The following TMC1 variants were observed in gnomAD, a reference collection of about 807,000 sequenced individuals.
TMC1 encodes transmembrane channel-like protein 1.
In TMC1, 84 loss-of-function variants were observed where a neutral mutation model predicts 105.8. The observed-to-expected ratio is 0.79, with a 90% CI of 0.67 to 0.95. The LOEUF is 0.95. Ranked by LOEUF, TMC1 falls within the 40% of genes least tolerant of loss-of-function variation. The pLI is 0.00. For missense variants in TMC1, 817 were observed against 914.1 expected (o/e 0.89, Z 1.37); for synonymous variants, 315 against 311.5 (o/e 1.01, Z -0.12).
intron 2 of TMC1, among the ~76,000 whole-genome samples, chr9:72,606,925 T>C (rs1162067450): frequency 1.3e-5 from 2 of 151,298 alleles, no homozygotes; most frequent in African/African-American, 2.4e-5. Context: ...ATGGCTGTTA[T>C]GAAGGCTAAG....
intron 12 of TMC1, among the ~76,000 whole-genome samples, chr9:72,763,109 CTT>C (rs1827781548): frequency 3.8e-5 from 2 of 53,094 alleles, no homozygotes; most frequent in Non-Finnish European, 7.7e-5. Context: ...TTTTTTTTTG[CTT>C]TAGTAACACA....
At chr9:72,669,587 A>G (rs191634226) in intron 5 of TMC1, among the ~76,000 whole-genome samples, 13 of 152,350 alleles carry the variant, frequency 8.5e-5, no homozygotes, top group Admixed American at 8.5e-4. Flanking sequence ...TAAACAATGC[A>G]TAATTGATAT....
intron 2 of TMC1, among the ~76,000 whole-genome samples, chr9:72,584,407 A>G (rs1824520836): frequency 6.6e-6 from 1 of 152,108 alleles, no homozygotes; most frequent in African/African-American, 2.4e-5. Context: ...CTGGGACTAC[A>G]GCTGCATGCC....
At chr9:72,586,269 A>G (rs528811726) in intron 2 of TMC1, among the ~76,000 whole-genome samples, 5 of 152,332 alleles carry the variant, frequency 3.3e-5, no homozygotes, top group African/African-American at 1.2e-4. Flanking sequence ...ATACTGCTGA[A>G]GTTTGCCCGA....
chr9:72,559,847 T>A (rs927521737), intron 1 of TMC1, among the ~76,000 whole-genome samples: 5 of 152,176 alleles, frequency 3.3e-5, no homozygotes, highest in African/African-American at 9.7e-5. Flanking sequence ...CCATGTCCAA[T>A]GCTTTGGATA....
rs79218574 is a variant in TMC1, at chr9:72,805,533, T to C, written c.1695+23T>C. ...TATGTAAGTATGATGTTAATTTTGC[T>C]TTTTTTTTTTTTTAAATTTATTTAT... On this transcript the variant is annotated intron_variant, in intron 18 of 23. Coordinates refer to ENST00000297784, the MANE Select transcript of TMC1 (RefSeq NM_138691.3). 6 of 372,228 alleles carry C rather than the reference T, an allele frequency of 1.6e-5. No homozygotes were observed. The East Asian group carries it at 2.5e-4, about 15-fold the overall frequency. The allele number at this position is 372,228 out of a possible 1,614,324, so 23.1% of individuals were successfully genotyped here. A position where few individuals can be genotyped will look rare whatever the true frequency, so the allele number is the denominator to read the frequency against.
chr9:72,799,102 C>T (rs948758685), intron 17 of TMC1, among the ~76,000 whole-genome samples: 1 of 151,892 alleles, frequency 6.6e-6, no homozygotes, highest in Non-Finnish European at 1.5e-5. Flanking sequence ...TACTTCAGAT[C>T]TCGTATTTTT....
At chr9:72,622,090 C>T (rs10283621) in intron 3 of TMC1, among the ~76,000 whole-genome samples, 23,248 of 152,068 alleles carry the variant, frequency 0.15, 1,902 homozygotes, top group Non-Finnish European at 0.19. Context: ...TCAACTTTGT[C>T]AATTGAGGGC....
At position 72,714,192 on chromosome 9, in the gene TMC1, T is replaced by C. The variant is rs536492553; in HGVS notation, c.362+13549T>C. Among the ~76,000 whole-genome samples, 3 of 152,306 alleles carry C rather than the reference T, an allele frequency of 2.0e-5. No individual in the cohort carries two copies. In the East Asian group the frequency reaches 5.8e-4, roughly 29 times the overall value. On this transcript the variant is annotated intron_variant, in intron 8 of 23. Transcript: ENST00000297784. ...GAGTGTTTTACTTCCAATTACGTGGTCAATTTTAGAATAAGTGCGATGTGG... is the reference window on the plus strand; with the variant it reads ...GAGTGTTTTACTTCCAATTACGTGGCCAATTTTAGAATAAGTGCGATGTGG...
At chr9:72,818,735 G>A (rs1469101894) in intron 19 of TMC1, 1 of 152,162 alleles carries the variant, frequency 6.6e-6, no homozygotes, top group East Asian at 1.9e-4. Context: ...GACAGATGAT[G>A]GGATCATGCC....
chr9:72,786,088 A>C (rs564148353), intron 13 of TMC1, among the ~76,000 whole-genome samples: 1 of 152,348 alleles, frequency 6.6e-6, no homozygotes, highest in Non-Finnish European at 1.5e-5. Context: ...CCCATGAAAT[A>C]ACCAAATGAC....
chr9:72,647,991 GA>G (rs997922810), intron 4 of TMC1, among the ~76,000 whole-genome samples: 1 of 151,928 alleles, frequency 6.6e-6, no homozygotes, highest in African/African-American at 2.4e-5. Flanking sequence ...TCAATAGAAA[GA>G]AAAAAATGTT....
chr9:72,596,539 T>TAAAAAAA (rs35140344), intron 2 of TMC1, among the ~76,000 whole-genome samples: 3 of 102,276 alleles, frequency 2.9e-5, no homozygotes, highest in Non-Finnish European at 3.9e-5. Flanking sequence ...GTTTCAATTG[T>TAAAAAAA]AAAAAAAAAA....
intron 5 of TMC1, among the ~76,000 whole-genome samples, chr9:72,685,742 A>G (rs1826370304): frequency 6.6e-6 from 1 of 152,170 alleles, no homozygotes; most frequent in Non-Finnish European, 1.5e-5. Context: ...ACAAACCCTT[A>G]TCCAAGAGCA....
intron 1 of TMC1, among the ~76,000 whole-genome samples, chr9:72,572,657 T>C (rs1319742902): frequency 6.6e-6 from 1 of 152,146 alleles, no homozygotes; most frequent in East Asian, 1.9e-4. Flanking sequence ...ACTTTCTTGA[T>C]TCCTTTCACT....
chr9:72,673,629 T>G (rs1826157507), intron 5 of TMC1, among the ~76,000 whole-genome samples: 1 of 152,072 alleles, frequency 6.6e-6, no homozygotes, highest in African/African-American at 2.4e-5. Flanking sequence ...AACAATAAGA[T>G]AATATGATAA....
chr9:72,754,387 C>T (rs1827638873), intron 11 of TMC1, among the ~76,000 whole-genome samples: 1 of 152,104 alleles, frequency 6.6e-6, no homozygotes, highest in African/African-American at 2.4e-5. Flanking sequence ...CTCCCTCCAC[C>T]CTCACTCCTA....
intron 7 of TMC1, among the ~76,000 whole-genome samples, chr9:72,697,929 A>G (rs1341587524): frequency 6.6e-6 from 1 of 152,122 alleles, no homozygotes; most frequent in African/African-American, 2.4e-5. Flanking sequence ...ACTGCTATCT[A>G]TGTAATTTAA....
chr9:72,693,564 G>A (rs1826503173), intron 6 of TMC1, among the ~76,000 whole-genome samples: 1 of 152,010 alleles, frequency 6.6e-6, no homozygotes, highest in South Asian at 2.1e-4. Context: ...ACACAGAAAG[G>A]TATGCTGCAG....
Sources: allele counts gnomAD v4.1 joint callset (sites outside exome capture counted in the v4.1 genomes callset), GRCh38; gene constraint gnomAD v4.1.1; transcripts MANE v1.5; gene names NCBI Gene and HGNC (gene_info 2026-07-23, HGNC 2026-07-21).